The following AFG2A variants were observed in gnomAD, a reference collection of about 807,000 sequenced individuals.
AFG2A encodes AAA ATPase AFG2A, also known as ATPase family gene 2 protein homolog A.
chr4:122,949,475 C>A, the AFG2A span, among the ~76,000 whole-genome samples: 1 of 152,266 alleles, frequency 6.6e-6, no homozygotes, highest in East Asian at 1.9e-4. Flanking sequence ...CATGGCAGGC[C>A]CACAGCGGAG....
the AFG2A span, among the ~76,000 whole-genome samples, chr4:123,243,301 T>C: frequency 1.3e-5 from 2 of 152,190 alleles, no homozygotes; most frequent in Admixed American, 6.5e-5. Context: ...TGCACACGTA[T>C]GTTTATTGCA....
At chr4:123,106,508 T>A in the AFG2A span, among the ~76,000 whole-genome samples, 1 of 151,940 alleles carries the variant, frequency 6.6e-6, no homozygotes, top group African/African-American at 2.4e-5. Context: ...CAAACCACCC[T>A]AAAAAAAATT....
At chr4:123,069,582 C>G in the AFG2A span, among the ~76,000 whole-genome samples, 3 of 152,084 alleles carry the variant, frequency 2.0e-5, no homozygotes, top group Admixed American at 6.6e-5. Context: ...TTTTGTTGGC[C>G]TATTTCCTGA....
At chr4:123,068,473 G>C in the AFG2A span, among the ~76,000 whole-genome samples, 2 of 152,104 alleles carry the variant, frequency 1.3e-5, no homozygotes, top group Non-Finnish European at 2.9e-5. Context: ...TTATTTAGAA[G>C]TACCTGATTG....
the AFG2A span, among the ~76,000 whole-genome samples, chr4:123,012,882 C>T: frequency 6.6e-6 from 1 of 151,994 alleles, no homozygotes; most frequent in Non-Finnish European, 1.5e-5. Context: ...TCTCATGGAG[C>T]AAAGAGCAGG....
At chr4:123,231,889 G>C in the AFG2A span, among the ~76,000 whole-genome samples, 5 of 152,040 alleles carry the variant, frequency 3.3e-5, no homozygotes, top group South Asian at 4.1e-4. Flanking sequence ...CACAACATTT[G>C]TCAGTTAAGT....
the AFG2A span, among the ~76,000 whole-genome samples, chr4:123,109,086 G>A: frequency 6.6e-6 from 1 of 152,098 alleles, no homozygotes; most frequent in Non-Finnish European, 1.5e-5. Flanking sequence ...AAGACAGAGG[G>A]GAAAAAGAGA....
At chr4:122,989,017 C>T in the AFG2A span, among the ~76,000 whole-genome samples, 1 of 151,978 alleles carries the variant, frequency 6.6e-6, no homozygotes, top group South Asian at 2.1e-4. Context: ...TTTTTTCATG[C>T]ATTGTTTTCC....
chr4:123,082,169 G>T, the AFG2A span, among the ~76,000 whole-genome samples: 1 of 152,058 alleles, frequency 6.6e-6, no homozygotes, highest in African/African-American at 2.4e-5. Flanking sequence ...ATTTGTGGAT[G>T]ATGTCATTGC....
the AFG2A span, among the ~76,000 whole-genome samples, chr4:123,087,926 A>G: frequency 6.6e-6 from 1 of 152,188 alleles, no homozygotes; most frequent in Non-Finnish European, 1.5e-5. Flanking sequence ...CTGGACCAGA[A>G]ATTGGAACAA....
chr4:123,108,517 T>TA, the AFG2A span, among the ~76,000 whole-genome samples: 163 of 152,332 alleles, frequency 1.1e-3, no homozygotes, highest in African/African-American at 3.8e-3. Flanking sequence ...CAGTACAATT[T>TA]ATGGCCTAAA....
the AFG2A span, among the ~76,000 whole-genome samples, chr4:123,106,250 C>A: frequency 6.6e-6 from 1 of 152,134 alleles, no homozygotes; most frequent in East Asian, 1.9e-4. Flanking sequence ...ATATATTTTT[C>A]CCCCATACAT....
chr4:123,190,877 TC>T, the AFG2A span, among the ~76,000 whole-genome samples: 1 of 152,202 alleles, frequency 6.6e-6, no homozygotes. Context: ...AGGATTCAAC[TC>T]TTTCACTGCA....
the AFG2A span, among the ~76,000 whole-genome samples, chr4:123,202,732 G>A: frequency 6.6e-6 from 1 of 152,082 alleles, no homozygotes; most frequent in African/African-American, 2.4e-5. Flanking sequence ...TACAATCAAG[G>A]TAGAGCATTA....
chr4:123,309,898 C>G, the AFG2A span, among the ~76,000 whole-genome samples: 2 of 152,172 alleles, frequency 1.3e-5, no homozygotes, highest in Non-Finnish European at 2.9e-5. Flanking sequence ...CTCCTGAACA[C>G]ACTGATTTCT....
At chr4:123,083,714 A>G in the AFG2A span, among the ~76,000 whole-genome samples, 2 of 151,688 alleles carry the variant, frequency 1.3e-5, no homozygotes, top group Non-Finnish European at 2.9e-5. Flanking sequence ...GTTAGATTTG[A>G]TTTGGTAAGA....
At chr4:123,152,093 CAG>C in the AFG2A span, among the ~76,000 whole-genome samples, 1 of 142,612 alleles carries the variant, frequency 7.0e-6, no homozygotes, top group Non-Finnish European at 1.5e-5. Context: ...CACATGGACA[CAG>C]GGAGGGGAAC....
chr4:123,160,235 T>C, the AFG2A span, among the ~76,000 whole-genome samples: 1 of 152,154 alleles, frequency 6.6e-6, no homozygotes, highest in Non-Finnish European at 1.5e-5. Flanking sequence ...GCATGCTAAA[T>C]TAGGTTACAT....
the AFG2A span, among the ~76,000 whole-genome samples, chr4:123,265,521 T>C: frequency 6.6e-6 from 1 of 152,150 alleles, no homozygotes; most frequent in East Asian, 1.9e-4. Flanking sequence ...TTAGATAGGA[T>C]GTTTACACCA....
Sources: allele counts gnomAD v4.1 joint callset (sites outside exome capture counted in the v4.1 genomes callset), GRCh38; gene constraint gnomAD v4.1.1; transcripts MANE v1.5; gene names NCBI Gene and HGNC (gene_info 2026-07-23, HGNC 2026-07-21).